The following TULP4 variants were observed in gnomAD, a reference collection of about 807,000 sequenced individuals.
TULP4 encodes the protein TUB like protein 4.
Under a neutral mutation model 129.0 loss-of-function variants are expected in TULP4, and 16 were observed. The ratio of observed to expected loss-of-function variants is 0.12; its 90% confidence interval spans 0.08 to 0.19. The LOEUF (loss-of-function observed/expected upper bound fraction) is 0.19. Ranked by LOEUF, TULP4 falls within the 10% of genes least tolerant of loss-of-function variation. The probability of loss-of-function intolerance (pLI) is 1.00; values close to 1 mark genes in which losing one functional copy is unlikely to be tolerated. For missense variants in TULP4, 1,842 were observed against 2,059.1 expected (o/e 0.89, Z 2.04); for synonymous variants, 998 against 854.0 (o/e 1.17, Z -2.94).
At chr6:158,410,418 A>G (rs374747612) in intron 1 of TULP4, among the ~76,000 whole-genome samples, 1 of 152,226 alleles carries the variant, frequency 6.6e-6, no homozygotes, top group African/African-American at 2.4e-5. Context: ...ACATCTTGTC[A>G]TCAAGTATTA....
intron 11 of TULP4, among the ~76,000 whole-genome samples, chr6:158,497,614 C>T (rs1780360801): frequency 6.6e-6 from 1 of 152,210 alleles, no homozygotes. Context: ...AAGAATAACA[C>T]TTTAATACAT....
At chr6:158,466,629 T>G (rs1042060030) in intron 6 of TULP4, among the ~76,000 whole-genome samples, 7 of 152,232 alleles carry the variant, frequency 4.6e-5, no homozygotes, top group Non-Finnish European at 1.0e-4. Flanking sequence ...TGTTCACTCA[T>G]TTGTTCAAGC....
chr6:158,498,941 G>A, intron 12 of TULP4, 129 bp downstream of exon 12: 1 of 1,156,158 alleles, frequency 8.6e-7, no homozygotes, highest in Non-Finnish European at 1.3e-6. Flanking sequence ...CCCTGCCTCA[G>A]TAAGGTTGGT....
chr6:158,428,252 T>C (rs1409825448), intron 2 of TULP4: 1 of 152,234 alleles, frequency 6.6e-6, no homozygotes, highest in Non-Finnish European at 1.5e-5. Context: ...CAACAAATCA[T>C]CTGTTTATAC....
chr6:158,402,746 G>A (rs1777882646), intron 1 of TULP4, among the ~76,000 whole-genome samples: 1 of 152,180 alleles, frequency 6.6e-6, no homozygotes. Context: ...AGTTTAGAAA[G>A]TATACAGTGT....
chr6:158,346,243 C>T (rs929009792), intron 1 of TULP4, among the ~76,000 whole-genome samples: 6 of 152,094 alleles, frequency 3.9e-5, no homozygotes, highest in East Asian at 1.9e-4. Flanking sequence ...CCTCAGCTTA[C>T]GAAGATAACA....
In TULP4 at chr6:158,429,837, A is replaced by T. The variant is rs183782944; in HGVS notation, c.483A>T (p.Ser161=). The part of the protein sequence containing the change: ...VGSVSGQRHW[S]SEINLESQIT... ...CTGTCAGTGGACAAAGACACTGGTC[A>T]TCCGAAATCAACTTGGAAAGTCAAA... is the stretch of plus-strand genomic sequence containing the variant. The change falls in exon 3 of 14, where the codon TCA becomes TCT. Residue 161 remains serine (S), a synonymous_variant. Transcript: ENST00000367097. The T allele has an allele frequency of 4.2e-5, 67 of 1,614,172 alleles. No homozygotes were observed. In the East Asian group the frequency reaches 1.4e-3, roughly 34 times the overall value.
intron 1 of TULP4, among the ~76,000 whole-genome samples, chr6:158,358,635 A>G (rs1482086477): frequency 6.6e-6 from 1 of 152,236 alleles, no homozygotes; most frequent in East Asian, 1.9e-4. Flanking sequence ...ATTGGTATAA[A>G]AAGACATATG....
intron 1 of TULP4, among the ~76,000 whole-genome samples, chr6:158,239,454 T>G (rs1385920404): frequency 1.3e-3 from 34 of 26,564 alleles, no homozygotes; most frequent in African/African-American, 2.7e-3. Context: ...GCTGGCCGGG[T>G]GGGGGGCTGA....
chr6:158,503,460 A>C lies in TULP4; in HGVS notation c.3797A>C (p.Tyr1266Ser). Residue 1266 changes from tyrosine (Y) to serine (S), a missense_variant, in exon 13 of 14, where the codon TAC becomes TCC. Physicochemically the swap from Tyr to Ser is moderately radical, Grantham distance 144 (BLOSUM62 -2). Transcript: ENST00000367097. This position sits in a 1 kb window ranked among gnomAD's most constrained non-coding sequence, Gnocchi z 4.3. ...PPVALHPWSS[Y>S]SACPPMQNPQ... ...GTCGCCTTGCATCCATGGAGTTCCT[A>C]CAGCGCCTGCCCGCCCATGCAGAAC... 1.2e-6 allele frequency: 2 copies of C among 1,613,856 alleles called. No individual in the cohort carries two copies. Among genetic ancestry groups the C allele is most frequent in the Non-Finnish European group, 1.7e-6 (2 of 1,179,986 alleles).
chr6:158,401,477 G>A (rs1051029882), intron 1 of TULP4, among the ~76,000 whole-genome samples: 1 of 152,188 alleles, frequency 6.6e-6, no homozygotes, highest in African/African-American at 2.4e-5. Flanking sequence ...GGAACATATT[G>A]TGTGTCAGAA....
In TULP4 at chr6:158,358,819, G is replaced by A. The variant is rs542447466; in HGVS notation, c.252+44551G>A. On this transcript the variant is annotated intron_variant, in intron 1 of 13. Transcript: ENST00000367097. The stretch of plus-strand genomic sequence containing the variant: ...GTAACATTTGATTTGAGTCTTGATA[G>A]GTAACGAGGTTTCCTGACTAAAGAA... Among the ~76,000 whole-genome samples, 6 of 152,300 alleles carry A rather than the reference G, an allele frequency of 3.9e-5. No homozygotes were observed. The East Asian group carries it at 1.2e-3, about 29-fold the overall frequency.
chr6:158,240,322 G>A (rs1420661565), intron 1 of TULP4, among the ~76,000 whole-genome samples: 4 of 84,136 alleles, frequency 4.8e-5, no homozygotes, highest in African/African-American at 8.2e-5. Flanking sequence ...CCTCCCGGAC[G>A]GGGCGGCTGG....
intron 1 of TULP4, among the ~76,000 whole-genome samples, chr6:158,290,477 G>A (rs1778917763): frequency 6.6e-6 from 1 of 152,096 alleles, no homozygotes; most frequent in African/African-American, 2.4e-5. Flanking sequence ...TGTCTACTTC[G>A]TTGATTGTTT....
chr6:158,444,055 T>TA lies in TULP4; in HGVS notation c.544-4935dup, dbSNP rs369814360. On this transcript the variant is annotated intron_variant, in intron 3 of 13. Transcript: ENST00000367097. ...TAACACGGTGAAACCCCGTCTCTAC[T>TA]AAAAAATACAAAAAATTAGCCTGGC... Among the ~76,000 whole-genome samples, 33 of 151,328 alleles carry TA rather than the reference T, an allele frequency of 2.2e-4. 1 individual carries two copies. The highest frequency in any genetic ancestry group is 1.1e-3 in the Admixed American group (17 of 15,196).
chr6:158,462,866 C>T (rs963970652), intron 6 of TULP4, among the ~76,000 whole-genome samples: 1 of 151,450 alleles, frequency 6.6e-6, no homozygotes, highest in Non-Finnish European at 1.5e-5. Flanking sequence ...TCTCCTGCCT[C>T]AGCCTCCTAA....
intron 9 of TULP4, among the ~76,000 whole-genome samples, chr6:158,492,581 T>C (rs1329689505): frequency 6.6e-6 from 1 of 152,200 alleles, no homozygotes; most frequent in Non-Finnish European, 1.5e-5. Context: ...TTAAACGTCC[T>C]CTTCAGGTTG....
In TULP4 at chr6:158,368,066, CAAAAAAA is replaced by C. The variant is rs3085241; in HGVS notation, c.253-44983_253-44977del. Among the ~76,000 whole-genome samples the C allele has an allele frequency of 1.2e-3, 80 of 65,018 alleles. 1 individual carries two copies. The highest frequency in any genetic ancestry group is 4.3e-3 in the African/African-American group (74 of 17,248). The allele number at this position is 65,018 out of a possible 152,430, so 42.7% of individuals were successfully genotyped here. On this transcript the variant is annotated intron_variant, in intron 1 of 13. Transcript: ENST00000367097. ...ACTCCAGCCTGGGTGACCCTGTCTCCAAAAAAAAAAAAAAAAAAAAAAGGAGCTTCCT... is the reference window on the plus strand; with the variant it reads ...ACTCCAGCCTGGGTGACCCTGTCTCCAAAAAAAAAAAAAAAGGAGCTTCCT...
chr6:158,491,632 A>G (rs970202072), intron 9 of TULP4, among the ~76,000 whole-genome samples: 6 of 151,326 alleles, frequency 4.0e-5, no homozygotes, highest in Non-Finnish European at 7.4e-5. Context: ...AGCTGGGACT[A>G]CAGGCTTGTG....
Sources: gnomAD v4.1 joint callset for allele counts (sites outside exome capture counted in the v4.1 genomes callset) on GRCh38, gnomAD v4.1.1 for gene constraint, Gnocchi (gnomAD v3.1) non-coding constraint, MANE v1.5 for transcripts, NCBI Gene and HGNC (gene_info 2026-07-23, HGNC 2026-07-21) for gene names.